The following GRM8 variants were observed in gnomAD, a reference collection of about 807,000 sequenced individuals.
The protein encoded by GRM8 is metabotropic glutamate receptor 8.
Under a neutral mutation model 87.2 loss-of-function variants are expected in GRM8, and 47 were observed. That is an observed-to-expected ratio of 0.54 (90% CI 0.43 to 0.69). The LOEUF (loss-of-function observed/expected upper bound fraction) is 0.69. GRM8 is among the 30% of genes least tolerant of loss of function. GRM8 has a pLI of 0.00. For synonymous variants in GRM8, 396 were observed against 404.5 expected, an observed-to-expected ratio of 0.98 and a Z score of 0.25; for missense variants, 1,019 against 1,139.2, an observed-to-expected ratio of 0.89 and a Z score of 1.52.
chr7:127,006,803 G>T (rs965950611), intron 3 of GRM8, among the ~76,000 whole-genome samples: 1 of 151,898 alleles, frequency 6.6e-6, no homozygotes. Context: ...ATAGTCTCAA[G>T]TTCCATTGTA....
At chr7:126,794,286 T>C (rs946390629) in intron 6 of GRM8, among the ~76,000 whole-genome samples, 2 of 152,192 alleles carry the variant, frequency 1.3e-5, no homozygotes, top group Admixed American at 6.5e-5. Context: ...ACAGCCATTT[T>C]GCTCAGCAGG....
chr7:126,439,240 T>C lies in GRM8; in HGVS notation c.2678-72A>G. ...TCCTTTTGTTAATATGATTTTAAAA[T>C]TCAAGTCCTGTAATGACTTTTTAAT... is the stretch of plus-strand genomic sequence containing the variant. On this transcript the variant is annotated intron_variant, in intron 10 of 10. Coordinates refer to ENST00000339582, the MANE Select transcript of GRM8 (RefSeq NM_000845.3). The C allele has an allele frequency of 1.0e-5, 9 of 894,380 alleles. No individual in the cohort carries two copies. The South Asian group carries it at 1.2e-4, about 12-fold the overall frequency. 55.4% of individuals were successfully genotyped at this position (894,380 alleles called of 1,614,324 possible).
At chr7:127,038,071 T>C (rs1818015113) in intron 3 of GRM8, among the ~76,000 whole-genome samples, 2 of 152,194 alleles carry the variant, frequency 1.3e-5, no homozygotes, top group Non-Finnish European at 2.9e-5. Context: ...TTATTATAAA[T>C]TGCACTTGAT....
intron 7 of GRM8, among the ~76,000 whole-genome samples, chr7:126,642,475 A>G (rs1027175186): frequency 2.6e-5 from 4 of 151,962 alleles, no homozygotes; most frequent in African/African-American, 9.7e-5. Context: ...CATCTCTACT[A>G]AAAATACCAA....
At chr7:127,176,888 G>A (rs1001923719) in intron 2 of GRM8, among the ~76,000 whole-genome samples, 1 of 152,172 alleles carries the variant, frequency 6.6e-6, no homozygotes, top group East Asian at 1.9e-4. Context: ...ATTCCTGCCT[G>A]GCACCACAGG....
intron 2 of GRM8, among the ~76,000 whole-genome samples, chr7:127,238,495 A>G (rs1459217211): frequency 6.6e-6 from 1 of 152,180 alleles, no homozygotes; most frequent in East Asian, 1.9e-4. Context: ...CACATCATTC[A>G]CTGGATCCTG....
chr7:126,971,051 G>A (rs1441344705), intron 3 of GRM8, among the ~76,000 whole-genome samples: 1 of 149,362 alleles, frequency 6.7e-6, no homozygotes, highest in Non-Finnish European at 1.5e-5. Context: ...GAAATATCGG[G>A]AAAATTACCA....
chr7:126,838,500 C>T (rs1300099094), intron 6 of GRM8, among the ~76,000 whole-genome samples: 2 of 152,174 alleles, frequency 1.3e-5, no homozygotes, highest in South Asian at 2.1e-4. Context: ...ACCTTCCCCA[C>T]CTACTATTCT....
chr7:126,608,765 T>C (rs1310656444), intron 8 of GRM8, among the ~76,000 whole-genome samples: 1 of 151,116 alleles, frequency 6.6e-6, no homozygotes, highest in South Asian at 2.1e-4. Flanking sequence ...TGCCCTTTTT[T>C]TTTTTTTTTT....
chr7:126,854,980 G>A (rs1797542795), intron 6 of GRM8, among the ~76,000 whole-genome samples: 1 of 152,130 alleles, frequency 6.6e-6, no homozygotes. Context: ...AATAGAAGTG[G>A]TGAAAGTGGG....
chr7:126,459,167 A>C (rs1803595938), intron 9 of GRM8, among the ~76,000 whole-genome samples: 1 of 151,610 alleles, frequency 6.6e-6, no homozygotes, highest in South Asian at 2.1e-4. Context: ...TACCAGTACA[A>C]ATTAGTTTTT....
At chr7:126,794,904 T>C (rs765108290) in intron 6 of GRM8, among the ~76,000 whole-genome samples, 2 of 152,162 alleles carry the variant, frequency 1.3e-5, no homozygotes, top group Non-Finnish European at 2.9e-5. Flanking sequence ...AAGTCGGCTG[T>C]ACATTATACT....
At chr7:126,828,135 TG>T (rs1369675078) in intron 6 of GRM8, among the ~76,000 whole-genome samples, 3 of 152,152 alleles carry the variant, frequency 2.0e-5, no homozygotes, top group Admixed American at 6.5e-5. Context: ...TGAGGATTTT[TG>T]CATCAATGTT....
At chr7:127,069,813 T>C (rs1161454443) in intron 3 of GRM8, among the ~76,000 whole-genome samples, 1 of 152,234 alleles carries the variant, frequency 6.6e-6, no homozygotes, top group African/African-American at 2.4e-5. Context: ...TTTTGTAACC[T>C]CTCTGAGACA....
chr7:126,607,621 C>G (rs1020024899), intron 8 of GRM8, among the ~76,000 whole-genome samples: 1 of 152,002 alleles, frequency 6.6e-6, no homozygotes, highest in Non-Finnish European at 1.5e-5. Context: ...AACAACAGAA[C>G]AGAAGAAGAA....
intron 8 of GRM8, among the ~76,000 whole-genome samples, chr7:126,546,600 G>T (rs1817187579): frequency 6.6e-6 from 1 of 152,006 alleles, no homozygotes; most frequent in African/African-American, 2.4e-5. Context: ...GAAAAGAAAG[G>T]GTAAGTTTAA....
rs1050742368 is a variant in GRM8 at position 127,243,382 on chromosome 7, C to G, written c.-178G>C. ...GTCACAGTGAATTTCCATCAGACCC[C>G]TAAGGTTCAATTTTATTTCCTTATA... On this transcript the variant is annotated 5_prime_UTR_variant, in exon 2 of 11. Transcript: ENST00000339582. The G allele has an allele frequency of 6.8e-6, 4 of 584,460 alleles. No individual in the cohort carries two copies. The highest frequency in any genetic ancestry group is 1.2e-5 in the Non-Finnish European group (4 of 336,364). The allele number at this position is 584,460 out of a possible 1,614,324, so 36.2% of individuals were successfully genotyped here.
intron 3 of GRM8, among the ~76,000 whole-genome samples, chr7:127,071,709 C>T (rs1225592400): frequency 6.6e-6 from 1 of 152,116 alleles, no homozygotes; most frequent in Non-Finnish European, 1.5e-5. Flanking sequence ...ATAATGTGGT[C>T]TCTGAATGCA....
At chr7:127,137,439 A>G (rs1401196828) in intron 2 of GRM8, among the ~76,000 whole-genome samples, 1 of 152,140 alleles carries the variant, frequency 6.6e-6, no homozygotes, top group Non-Finnish European at 1.5e-5. Context: ...CTAACACAAC[A>G]CATAGCATAT....
Sources: allele counts gnomAD v4.1 joint callset (sites outside exome capture counted in the v4.1 genomes callset), GRCh38; gene constraint gnomAD v4.1.1; transcripts MANE v1.5; gene names NCBI Gene and HGNC (gene_info 2026-07-23, HGNC 2026-07-21).